Variants in HMGXB3 observed in about 807,000 individuals in gnomAD.
HMGXB3 encodes HMG domain-containing protein 3.
In HMGXB3, 45 loss-of-function variants were observed where a neutral mutation model predicts 121.5. The observed-to-expected ratio is 0.37, with a 90% CI of 0.29 to 0.47. HMGXB3 has a LOEUF of 0.47. Among genes scored for constraint, HMGXB3 ranks in the 20% least tolerant of loss-of-function variants. The pLI is 0.99. For missense variants in HMGXB3, 1,376 were observed against 1,602.2 expected (o/e 0.86, Z 2.41); for synonymous variants, 590 against 624.1 (o/e 0.95, Z 0.81).
chr5:150,017,615 T>C (rs997122090), intron 5 of HMGXB3, among the ~76,000 whole-genome samples: 3 of 152,234 alleles, frequency 2.0e-5, no homozygotes, highest in African/African-American at 4.8e-5. Context: ...ACTGTCATAA[T>C]TGGAAGCCAT....
rs568862807 is a variant in HMGXB3 at position 150,011,459 on chromosome 5, T to C, written c.811-796T>C. 1.1e-4 allele frequency among the ~76,000 whole-genome samples: 17 copies of C among 152,328 alleles called. No homozygotes were observed. In the East Asian group the frequency reaches 3.3e-3, roughly 29 times the overall value. ...GTGCAGGCTAAGAGGACCAGCTTGCTGTAGCCCTTATGGCCTGGGCAGAAG... is the reference window on the plus strand; with the variant it reads ...GTGCAGGCTAAGAGGACCAGCTTGCCGTAGCCCTTATGGCCTGGGCAGAAG... On this transcript the variant is annotated intron_variant, in intron 4 of 19. Coordinates refer to ENST00000502717, the MANE Select transcript of HMGXB3 (RefSeq NM_014983.3).
chr5:150,028,440 A>G (rs912040868), intron 9 of HMGXB3, among the ~76,000 whole-genome samples: 1 of 137,288 alleles, frequency 7.3e-6, no homozygotes, highest in African/African-American at 2.6e-5. Flanking sequence ...ATATATATGT[A>G]TGTGTGTGTA....
Position 150,040,752 on chromosome 5 carries a change from C to G in HMGXB3, c.2418C>G (p.Leu806=). 6.4e-7 allele frequency: 1 copy of G among 1,551,390 alleles called. No homozygotes were observed. The highest frequency in any genetic ancestry group is 8.7e-7 in the Non-Finnish European group (1 of 1,146,882). The change falls in exon 14 of 20, where the codon CTC becomes CTG. Residue 806 remains leucine (L), a synonymous_variant. Transcript: ENST00000502717. ...LHSFIDIYTG[L]FNVGNKLLVS... is the part of the protein sequence containing the mutation. ...TTGCCTCTTCTTAACCTGCAGGTCTCTTTAATGTGGGGAACAAGCTGCTGG... is the reference window on the plus strand; with the variant it reads ...TTGCCTCTTCTTAACCTGCAGGTCTGTTTAATGTGGGGAACAAGCTGCTGG...
chr5:150,005,104 G>A (rs983909711), intron 2 of HMGXB3, 115 bp downstream of exon 2: 2 of 1,354,524 alleles, frequency 1.5e-6, no homozygotes, highest in African/African-American at 1.5e-5. Flanking sequence ...TTGAAGTCCT[G>A]TGTCGAGGGA....
At chr5:150,013,904 A>G (rs1755900636) in intron 5 of HMGXB3, among the ~76,000 whole-genome samples, 1 of 152,252 alleles carries the variant, frequency 6.6e-6, no homozygotes, top group African/African-American at 2.4e-5. Flanking sequence ...AGACCTTAAA[A>G]TAATACCTGA....
At chr5:150,036,213 T>G (rs1026833177) in intron 11 of HMGXB3, among the ~76,000 whole-genome samples, 1 of 152,222 alleles carries the variant, frequency 6.6e-6, no homozygotes, top group Non-Finnish European at 1.5e-5. Context: ...AATCCTCTCA[T>G]TTACTGATAC....
chr5:150,020,982 A>T (rs1305969349), intron 6 of HMGXB3, among the ~76,000 whole-genome samples: 2 of 152,086 alleles, frequency 1.3e-5, no homozygotes, highest in African/African-American at 4.8e-5. Context: ...GCCTCAAGTG[A>T]TCCACCTGCC....
chr5:150,011,933 G>C (rs1028671920), intron 4 of HMGXB3, among the ~76,000 whole-genome samples: 1 of 152,108 alleles, frequency 6.6e-6, no homozygotes, highest in Non-Finnish European at 1.5e-5. Context: ...GTTTAAAGCA[G>C]GTAAATAGGG....
chr5:150,015,000 G>A (rs897093836), intron 5 of HMGXB3: 9 of 733,466 alleles, frequency 1.2e-5, no homozygotes, highest in African/African-American at 7.5e-5. Flanking sequence ...AAGTCTCTGC[G>A]AATACCAAAC....
At chr5:150,018,777 A>G (rs1425356582) in intron 6 of HMGXB3, 80 bp downstream of exon 6, 2 of 1,345,306 alleles carry the variant, frequency 1.5e-6, no homozygotes, top group African/African-American at 1.5e-5. Context: ...GGTGATTTTT[A>G]AAAAGTTAAC....
chr5:150,021,665 G>T, intron 6 of HMGXB3: 1 of 525,536 alleles, frequency 1.9e-6, no homozygotes, highest in Non-Finnish European at 3.7e-6. Flanking sequence ...AAGTCAATTA[G>T]TTGCTTGTGG....
At chr5:150,013,230 C>G (rs1409932033) in intron 5 of HMGXB3, among the ~76,000 whole-genome samples, 1 of 152,140 alleles carries the variant, frequency 6.6e-6, no homozygotes, top group East Asian at 1.9e-4. Context: ...TTCCTACATG[C>G]CCTTTATCAT....
intron 6 of HMGXB3, chr5:150,021,796 TC>T: frequency 2.0e-6 from 1 of 506,226 alleles, no homozygotes; most frequent in Non-Finnish European, 3.9e-6. Flanking sequence ...TTTCCTTTGC[TC>T]CTCTGATCAA....
intron 3 of HMGXB3, among the ~76,000 whole-genome samples, chr5:150,008,338 G>C (rs1485191195): frequency 6.6e-6 from 1 of 151,806 alleles, no homozygotes; most frequent in Non-Finnish European, 1.5e-5. Flanking sequence ...TTTGAGTCTT[G>C]GTTTCCTCAT....
intron 1 of HMGXB3, among the ~76,000 whole-genome samples, chr5:150,001,762 C>T (rs1052833300): frequency 2.6e-5 from 4 of 152,114 alleles, no homozygotes; most frequent in African/African-American, 9.7e-5. Context: ...ACAAACAAAA[C>T]CGTAGGGTGT....
intron 11 of HMGXB3, among the ~76,000 whole-genome samples, chr5:150,033,280 G>A (rs947593710): frequency 1.3e-5 from 2 of 152,154 alleles, no homozygotes; most frequent in East Asian, 1.9e-4. Context: ...GATGAGAAGA[G>A]AAATGTCACT....
intron 6 of HMGXB3, among the ~76,000 whole-genome samples, chr5:150,019,622 T>A (rs762852407): frequency 1.6e-4 from 25 of 152,188 alleles, no homozygotes; most frequent in Admixed American, 3.9e-4. Flanking sequence ...TTATAAGGAC[T>A]GAGACAGACA....
At chr5:150,038,022 G>A (rs1457272243) in intron 13 of HMGXB3, among the ~76,000 whole-genome samples, 2 of 152,170 alleles carry the variant, frequency 1.3e-5, no homozygotes, top group Non-Finnish European at 2.9e-5. Flanking sequence ...AGAAGTACAT[G>A]ACCATTTTTA....
chr5:150,050,501 C>G, intron 19 of HMGXB3, 40 bp downstream of exon 19: 1 of 1,443,836 alleles, frequency 6.9e-7, no homozygotes, highest in Non-Finnish European at 9.5e-7. Context: ...CTCCTCAAGC[C>G]TACCATGTCT....
Sources: gnomAD v4.1 joint callset for allele counts (sites outside exome capture counted in the v4.1 genomes callset) on GRCh38, gnomAD v4.1.1 for gene constraint, MANE v1.5 for transcripts, NCBI Gene and HGNC (gene_info 2026-07-23, HGNC 2026-07-21) for gene names.